TTC28: variants seen among roughly 807,000 people sequenced by gnomAD.
TTC28 encodes tetratricopeptide repeat protein 28.
TTC28 carries 61 observed loss-of-function variants against 198.0 expected under a neutral mutation model. The ratio of observed to expected loss-of-function variants is 0.31; its 90% CI spans 0.25 to 0.38. The LOEUF (loss-of-function observed/expected upper bound fraction) is 0.38, where lower values mean the gene tolerates loss of function less well. Among genes scored for constraint, TTC28 ranks in the 10% least tolerant of loss-of-function variants. TTC28 has a pLI of 1.00. For synonymous variants in TTC28, 1,171 were observed against 1,297.8 expected (o/e 0.90, Z 2.10); for missense variants, 2,678 against 3,164.0 (o/e 0.85, Z 3.69).
At chr22:28,043,729 T>C (rs972869797) in intron 12 of TTC28, among the ~76,000 whole-genome samples, 3 of 152,120 alleles carry the variant, frequency 2.0e-5, no homozygotes, top group African/African-American at 4.8e-5. Flanking sequence ...TTGGGGAGGA[T>C]TGCTGTTGGG....
At chr22:28,599,621 C>A (rs1157700362) in intron 2 of TTC28, among the ~76,000 whole-genome samples, 1 of 152,076 alleles carries the variant, frequency 6.6e-6, no homozygotes, top group Non-Finnish European at 1.5e-5. Context: ...AGACCCCCAT[C>A]TCTACTAAAA....
rs35849354 is a variant in TTC28 at position 28,637,004 on chromosome 22, G to GTTT, written c.103-7177_103-7175dup. 9.6e-3 allele frequency among the ~76,000 whole-genome samples: 938 copies of GTTT among 97,276 alleles called. 22 individuals carry two copies. Among genetic ancestry groups the GTTT allele is most frequent in the East Asian group, 0.078 (229 of 2,918 alleles). 63.8% of individuals were successfully genotyped at this position (97,276 alleles called of 152,430 possible). ...GGAGTTTTAGAGTTTCAGGTCTTCA[G>GTTT]TTTTTTTTTTTTTTTTTTTTTTGAG... On this transcript the variant is annotated intron_variant, in intron 1 of 22. Transcript: ENST00000397906.
intron 2 of TTC28, among the ~76,000 whole-genome samples, chr22:28,605,701 C>T (rs1173468983): frequency 1.3e-5 from 2 of 152,018 alleles, no homozygotes; most frequent in African/African-American, 2.4e-5. Context: ...AACTAAAAAA[C>T]GTTAAATTGG....
chr22:28,441,108 C>G (rs973513982), intron 2 of TTC28, among the ~76,000 whole-genome samples: 1 of 152,174 alleles, frequency 6.6e-6, no homozygotes, highest in Non-Finnish European at 1.5e-5. Context: ...ACACTTGAAA[C>G]AGAATCTTCC....
At chr22:28,619,898 GA>G (rs2050965490) in intron 2 of TTC28, among the ~76,000 whole-genome samples, 1 of 152,140 alleles carries the variant, frequency 6.6e-6, no homozygotes, top group Admixed American at 6.5e-5. Flanking sequence ...CATGCGCAAA[GA>G]AATCAACAGT....
chr22:28,311,096 T>G (rs2045248315), intron 2 of TTC28, among the ~76,000 whole-genome samples: 1 of 152,166 alleles, frequency 6.6e-6, no homozygotes. Context: ...ATATTCTTAG[T>G]CGATATTTCA....
chr22:28,612,658 T>C (rs888390912), intron 2 of TTC28, among the ~76,000 whole-genome samples: 3 of 152,134 alleles, frequency 2.0e-5, no homozygotes, highest in Admixed American at 2.0e-4. Context: ...GCAATCAAAT[T>C]AGAACTCAGG....
intron 2 of TTC28, among the ~76,000 whole-genome samples, chr22:28,365,123 T>C (rs182063485): frequency 6.6e-6 from 1 of 152,328 alleles, no homozygotes; most frequent in Non-Finnish European, 1.5e-5. Flanking sequence ...CTGAACTGAT[T>C]AGTCAGCAGC....
intron 2 of TTC28, among the ~76,000 whole-genome samples, chr22:28,351,412 C>T (rs1476613930): frequency 6.6e-6 from 1 of 152,176 alleles, no homozygotes. Context: ...TCTATTGTTT[C>T]AGCCGTGGGC....
intron 2 of TTC28, among the ~76,000 whole-genome samples, chr22:28,387,248 G>A (rs1186011199): frequency 6.6e-6 from 1 of 152,272 alleles, no homozygotes; most frequent in East Asian, 1.9e-4. Context: ...TATCATCGTT[G>A]GACATTTGGG....
intron 2 of TTC28, among the ~76,000 whole-genome samples, chr22:28,359,522 C>A (rs897066137): frequency 6.6e-6 from 1 of 152,174 alleles, no homozygotes; most frequent in African/African-American, 2.4e-5. Context: ...AAAATAAATG[C>A]CTCTGTATAT....
intron 12 of TTC28, among the ~76,000 whole-genome samples, chr22:28,074,838 G>A (rs1404692327): frequency 6.6e-6 from 1 of 152,156 alleles, no homozygotes; most frequent in Non-Finnish European, 1.5e-5. Context: ...AGTGGCTCAC[G>A]CCTATAATCC....
intron 2 of TTC28, among the ~76,000 whole-genome samples, chr22:28,452,994 A>G (rs1409064489): frequency 6.6e-6 from 1 of 152,122 alleles, no homozygotes; most frequent in Non-Finnish European, 1.5e-5. Context: ...GTGCGAGAGG[A>G]TCTCATGGGG....
intron 5 of TTC28, among the ~76,000 whole-genome samples, chr22:28,290,522 AT>A (rs1460113365): frequency 1.4e-4 from 22 of 152,346 alleles, no homozygotes; most frequent in South Asian, 6.2e-4. Flanking sequence ...CAACAAAAAA[AT>A]ATGCACTAAT....
At chr22:28,606,833 T>C (rs1351383658) in intron 2 of TTC28, among the ~76,000 whole-genome samples, 2 of 152,194 alleles carry the variant, frequency 1.3e-5, no homozygotes, top group African/African-American at 4.8e-5. Context: ...TAATAACAAT[T>C]GTTCTGGTAA....
At chr22:27,990,587 G>A (rs1159824949) in intron 20 of TTC28, among the ~76,000 whole-genome samples, 1 of 152,192 alleles carries the variant, frequency 6.6e-6, no homozygotes, top group Non-Finnish European at 1.5e-5. Context: ...CAAGAAGGGC[G>A]GAGCAGGAAG....
At chr22:28,299,830 C>A (rs1416310155) in intron 3 of TTC28, among the ~76,000 whole-genome samples, 1 of 152,110 alleles carries the variant, frequency 6.6e-6, no homozygotes, top group East Asian at 1.9e-4. Flanking sequence ...GGGCTCTAAG[C>A]CCAGGTTCTA....
chr22:27,979,902 C>A lies in TTC28; in HGVS notation c.*2319G>T, dbSNP rs1172876449. On this transcript the variant is annotated 3_prime_UTR_variant, in exon 23 of 23. Coordinates refer to ENST00000397906, the MANE Select transcript of TTC28 (RefSeq NM_001145418.2). The stretch of plus-strand genomic sequence containing the variant: ...TTATATTTAAGACAGAATAAAACCA[C>A]ATAAACCATTGGCTCTTCAGTATGA... 1 of 152,200 alleles carries A rather than the reference C, an allele frequency of 6.6e-6. No individual in the cohort carries two copies. The highest frequency in any genetic ancestry group is 1.5e-5 in the Non-Finnish European group (1 of 68,046). The allele number at this position is 152,200 out of a possible 1,614,324, so 9.4% of individuals were successfully genotyped here.
chr22:28,328,799 AAT>A lies in TTC28; in HGVS notation c.382-22158_382-22157del, dbSNP rs1249330121. ...TAATAATAATAATAATAATAATAATAATAATATGTTCTGAAGAGGTATAAGCT... is the reference window on the plus strand; with the variant it reads ...TAATAATAATAATAATAATAATAATAAATATGTTCTGAAGAGGTATAAGCT... On this transcript the variant is annotated intron_variant, in intron 2 of 22. Coordinates refer to ENST00000397906, the MANE Select transcript of TTC28 (RefSeq NM_001145418.2). 4.3e-3 allele frequency among the ~76,000 whole-genome samples: 477 copies of A among 110,642 alleles called. 2 individuals are homozygous for A. Among genetic ancestry groups the A allele is most frequent in the African/African-American group, 7.7e-3 (202 of 26,352 alleles). The allele number at this position is 110,642 out of a possible 152,430, so 72.6% of individuals were successfully genotyped here.
Sources: allele counts gnomAD v4.1 joint callset (sites outside exome capture counted in the v4.1 genomes callset), GRCh38; gene constraint gnomAD v4.1.1; transcripts MANE v1.5; gene names NCBI Gene and HGNC (gene_info 2026-07-23, HGNC 2026-07-21).